Variants in MLLT6 observed in about 807,000 individuals in gnomAD.
MLLT6 encodes protein AF-17.
MLLT6 carries 22 observed loss-of-function variants against 103.0 expected under a neutral mutation model. The ratio of observed to expected loss-of-function variants is 0.21; its 90% confidence interval spans 0.15 to 0.31. The LOEUF is 0.31. MLLT6 is among the 10% of genes least tolerant of loss of function. MLLT6 has a pLI of 1.00. For synonymous variants in MLLT6, 606 were observed against 623.5 expected (o/e 0.97, Z 0.42); for missense variants, 1,199 against 1,441.7 (o/e 0.83, Z 2.73).
chr17:38,725,520 CT>C (rs1257862800), intron 19 of MLLT6, 36 bp from the exon 20 acceptor site: 1 of 1,602,012 alleles, frequency 6.2e-7, no homozygotes. Flanking sequence ...GGACCTGACA[CT>C]TTCCACACCC....
Position 38,719,911 on chromosome 17 carries a change from G to C in MLLT6, c.2155+16G>C, listed in dbSNP as rs1227927365. The C allele has an allele frequency of 6.4e-7, 1 of 1,559,732 alleles. No individual in the cohort carries two copies. Among genetic ancestry groups the C allele is most frequent in the East Asian group, 2.4e-5 (1 of 42,178 alleles). ...GGCGTCAACAGTGAGGAGGGGTGGC[G>C]CCGGTCGGGACGCCTGCCCTAGGGC... On this transcript the variant is annotated intron_variant, in intron 14 of 19. Coordinates refer to ENST00000621332, the MANE Select transcript of MLLT6 (RefSeq NM_005937.4).
At chr17:38,706,115 G>C (rs1009400946) in intron 1 of MLLT6, 6 of 153,240 alleles carry the variant, frequency 3.9e-5, no homozygotes, top group Admixed American at 3.3e-4. Context: ...AGAGGTCAAG[G>C]GGGGGGCGTC....
rs1233816995 is a variant in MLLT6, at chr17:38,717,892, C to T, written c.1881C>T (p.Ile627=). Residue 627 remains isoleucine, a synonymous_variant, in exon 12 of 20, where the codon ATC becomes ATT. Coordinates refer to ENST00000621332, the MANE Select transcript of MLLT6 (RefSeq NM_005937.4). ...CCTTTAGCCTCCCTTCTACCCACAT[C>T]TTTGGAACCCCCATGGGTGCCGTTA... ...GSTFSLPSTH[I]FGTPMGAVNP... The T allele has an allele frequency of 6.2e-7, 1 of 1,614,132 alleles. No individual in the cohort carries two copies. The highest frequency in any genetic ancestry group is 1.7e-5 in the Admixed American group (1 of 60,010).
rs1210692057 is a variant in MLLT6 at position 38,726,418 on chromosome 17, TCTC to T, written c.*826_*828del. 4.3e-6 allele frequency: 1 copy of T among 234,408 alleles called. No homozygotes were observed. The highest frequency in any genetic ancestry group is 2.2e-5 in the African/African-American group (1 of 45,298). 14.5% of individuals were successfully genotyped at this position (234,408 alleles called of 1,614,324 possible). ...GTGTGTGTGTCTGTCTGCCTGTCTCTCTCCTCCTGGACCCAGGGCAGCCAAGGG... is the reference window on the plus strand; with the variant it reads ...GTGTGTGTGTCTGTCTGCCTGTCTCTCTCCTGGACCCAGGGCAGCCAAGGG... On this transcript the variant is annotated 3_prime_UTR_variant, in exon 20 of 20. Coordinates refer to ENST00000621332, the MANE Select transcript of MLLT6 (RefSeq NM_005937.4).
Position 38,726,171 on chromosome 17 carries a change from G to A in MLLT6, c.*573G>A, listed in dbSNP as rs1164063433. The A allele has an allele frequency of 4.3e-6, 1 of 234,070 alleles. No homozygotes were observed. The highest frequency in any genetic ancestry group is 8.5e-6 in the Non-Finnish European group (1 of 118,298). 14.5% of individuals were successfully genotyped at this position (234,070 alleles called of 1,614,324 possible). A position where few individuals can be genotyped will look rare whatever the true frequency, so the allele number is the denominator to read the frequency against. ...AAAAGCCCACAGATGTTGGGGGCTGGAGAAGGGGCAGGAGAGCATCACACT... is the reference window on the plus strand; with the variant it reads ...AAAAGCCCACAGATGTTGGGGGCTGAAGAAGGGGCAGGAGAGCATCACACT... On this transcript the variant is annotated 3_prime_UTR_variant, in exon 20 of 20. Transcript: ENST00000621332.
chr17:38,716,887 G>A lies in MLLT6; in HGVS notation c.1557G>A (p.Leu519=), dbSNP rs988963427. 11 of 1,613,616 alleles carry A rather than the reference G, an allele frequency of 6.8e-6. No individual in the cohort carries two copies. Among genetic ancestry groups the A allele is most frequent in the Non-Finnish European group, 9.3e-6 (11 of 1,179,808 alleles). ...CCTCACCCTTCTCTGGAGGTTCCCT[G>A]GTCAGCTCCGGCCTGGGAGGTCTGT... is the stretch of plus-strand genomic sequence containing the variant. ...TAASPFSGGS[L]VSSGLGGLSS... The change falls in exon 10 of 20, where the codon CTG becomes CTA. Residue 519 remains leucine, a synonymous_variant. Transcript: ENST00000621332. This position sits in a 1 kb window ranked among gnomAD's most constrained non-coding sequence, Gnocchi z 5.6.
rs1296141773 is a variant in MLLT6 at position 38,709,805 on chromosome 17, G to T, written c.552+230G>T. Among the ~76,000 whole-genome samples, 1 of 152,246 alleles carries T rather than the reference G, an allele frequency of 6.6e-6. No homozygotes were observed. Among genetic ancestry groups the T allele is most frequent in the Non-Finnish European group, 1.5e-5 (1 of 68,042 alleles). ...TCCCAAAAGACAAAGCTCAGACCCT[G>T]CCTGTCAGAGTCTAGGAGGCTTCAA... On this transcript the variant is annotated intron_variant, in intron 6 of 19. Coordinates refer to ENST00000621332, the MANE Select transcript of MLLT6 (RefSeq NM_005937.4). This position sits in a 1 kb window ranked among gnomAD's most constrained non-coding sequence, Gnocchi z 4.3.
chr17:38,728,772 CTG>C lies in MLLT6; in HGVS notation c.*3185_*3186del, dbSNP rs141717217. 11 of 234,424 alleles carry C rather than the reference CTG, an allele frequency of 4.7e-5. No individual in the cohort carries two copies. Among genetic ancestry groups the C allele is most frequent in the East Asian group, 6.0e-5 (1 of 16,622 alleles). 14.5% of individuals were successfully genotyped at this position (234,424 alleles called of 1,614,324 possible). A position where few individuals can be genotyped will look rare whatever the true frequency, so the allele number is the denominator to read the frequency against. ...CACATGGCTGGCTGGCTGGCTGTCC[CTG>C]TGTGTGTGTGACACACGGTGTGAGT... is the stretch of plus-strand genomic sequence containing the variant. On this transcript the variant is annotated 3_prime_UTR_variant, in exon 20 of 20. Transcript: ENST00000621332.
intron 14 of MLLT6, 148 bp from the exon 15 acceptor site, chr17:38,720,224 T>C: frequency 1.2e-6 from 1 of 821,244 alleles, no homozygotes. Context: ...GTCCCGCCTC[T>C]CTTCTCAGAG....
At chr17:38,723,159 G>A (rs1905851919) in intron 18 of MLLT6, among the ~76,000 whole-genome samples, 1 of 152,204 alleles carries the variant, frequency 6.6e-6, no homozygotes, top group Non-Finnish European at 1.5e-5. Flanking sequence ...TCTGTCTCCT[G>A]TTGGGTCGGC....
Position 38,707,823 on chromosome 17 carries a change from C to A in MLLT6, c.305C>A (p.Thr102Asn). The A allele has an allele frequency of 6.2e-7, 1 of 1,613,884 alleles. No homozygotes were observed. The highest frequency in any genetic ancestry group is 8.5e-7 in the Non-Finnish European group (1 of 1,179,886). The change falls in exon 4 of 20, where the codon ACC becomes AAC. Residue 102 changes from threonine to asparagine, a missense_variant. This residue lies in a region of MLLT6 where 59 missense variants were observed against 135.1 expected (regional missense o/e 0.44). Coordinates refer to ENST00000621332, the MANE Select transcript of MLLT6 (RefSeq NM_005937.4). ...GAGGTGCAATTTGCCAACGTGCTCA[C>A]CATGGAGCCCATCGTGCTGCAGTAC... ...IPEVQFANVL[T>N]MEPIVLQYVP...
intron 1 of MLLT6, chr17:38,705,978 G>T (rs139610538): frequency 2.5e-4 from 54 of 217,742 alleles, no homozygotes; most frequent in Non-Finnish European, 4.3e-4. Context: ...GGGAGTTTGG[G>T]GAGAGTCTAG....
intron 11 of MLLT6, 106 bp downstream of exon 11, chr17:38,717,719 TC>T (rs1220438057): frequency 1.4e-6 from 2 of 1,424,502 alleles, no homozygotes; most frequent in Non-Finnish European, 2.0e-6. Flanking sequence ...TGAGTTGCCA[TC>T]AGACCACCCT....
At chr17:38,720,603 C>T (rs766139087) in intron 15 of MLLT6, 34 bp downstream of exon 15, 4 of 1,612,802 alleles carry the variant, frequency 2.5e-6, no homozygotes, top group East Asian at 2.2e-5. Context: ...GGAGAGAGGC[C>T]CGTGCCCTGA....
At chr17:38,721,788 G>C (rs1277294249) in intron 16 of MLLT6, 90 bp from the exon 17 acceptor site, 1 of 873,678 alleles carries the variant, frequency 1.1e-6, no homozygotes, top group South Asian at 1.8e-5. Flanking sequence ...GGGGGTTGCT[G>C]TGCTCTGTGA....
At chr17:38,719,724 T>C (rs1905579521) in intron 13 of MLLT6, 26 bp from the exon 14 acceptor site, 1 of 1,600,074 alleles carries the variant, frequency 6.2e-7, no homozygotes, top group Non-Finnish European at 8.5e-7. Flanking sequence ...TCGGGTCGAC[T>C]GAACCCAGGT....
rs757431772 is a variant in MLLT6, at chr17:38,727,133, G to GTT, written c.*1550_*1551dup. ...TTTCTGTTTGGGTTTTTGTTGTTGGGTTTTTTTTTTTTTTTTAATAAAGAA... is the reference window on the plus strand; with the variant it reads ...TTTCTGTTTGGGTTTTTGTTGTTGGGTTTTTTTTTTTTTTTTTTAATAAAGAA... On this transcript the variant is annotated 3_prime_UTR_variant, in exon 20 of 20. Coordinates refer to ENST00000621332, the MANE Select transcript of MLLT6 (RefSeq NM_005937.4). 9.5e-4 allele frequency: 200 copies of GTT among 210,012 alleles called. No individual in the cohort carries two copies. The highest frequency in any genetic ancestry group is 1.3e-3 in the Non-Finnish European group (136 of 108,194). 13.0% of individuals were successfully genotyped at this position (210,012 alleles called of 1,614,324 possible).
In MLLT6 at chr17:38,720,717, C is replaced by T. The variant is rs1482255833; in HGVS notation, c.2412C>T (p.Gly804=). 5 of 1,613,760 alleles carry T rather than the reference C, an allele frequency of 3.1e-6. No homozygotes were observed. In the South Asian group the frequency reaches 3.3e-5, roughly 11 times the overall value. ...GCCCTCCGGGAAAGAGCAGCCTCGG[C>T]CTGGACAACTCGCTGTCCACTTCTT... ...SKSPPGKSSL[G]LDNSLSTSSE... Residue 804 remains glycine, a synonymous_variant, in exon 16 of 20, where the codon GGC becomes GGT. Transcript: ENST00000621332.
intron 8 of MLLT6, chr17:38,714,129 A>G (rs2143681771): frequency 6.6e-6 from 1 of 152,346 alleles, no homozygotes; most frequent in South Asian, 2.1e-4. Context: ...ACTCAAAATA[A>G]TCCAATTAGG....
Sources: allele counts gnomAD v4.1 joint callset (sites outside exome capture counted in the v4.1 genomes callset), GRCh38; gene constraint gnomAD v4.1.1; regional missense constraint gnomAD v4.1.1; non-coding constraint Gnocchi (gnomAD v3.1); transcripts MANE v1.5; gene names NCBI Gene and HGNC (gene_info 2026-07-23, HGNC 2026-07-21).